MYH9: variants seen among roughly 807,000 people sequenced by gnomAD.
The protein encoded by MYH9 is myosin-9.
In MYH9, 29 loss-of-function variants were observed where a neutral mutation model predicts 241.9. The observed-to-expected ratio is 0.12, with a 90% CI of 0.09 to 0.16. The LOEUF is 0.16. Among genes scored for constraint, MYH9 ranks in the 10% least tolerant of loss-of-function variants. The pLI, the probability that MYH9 is intolerant of heterozygous loss-of-function variation, is 1.00. For missense variants in MYH9, 1,803 were observed against 2,595.5 expected, an observed-to-expected ratio of 0.69 and a Z score of 6.63; for synonymous variants, 1,047 against 1,062.6, an observed-to-expected ratio of 0.99 and a Z score of 0.29.
intron 34 of MYH9, among the ~76,000 whole-genome samples, chr22:36,287,487 T>TA (rs1329004230): frequency 3.3e-5 from 5 of 152,196 alleles, no homozygotes; most frequent in Non-Finnish European, 7.4e-5. Flanking sequence ...CTCATGCTTG[T>TA]AATCCCAGCA....
In MYH9 at chr22:36,316,453, C is replaced by T. The variant is rs547339790; in HGVS notation, c.1380+64G>A. 10 of 1,612,498 alleles carry T rather than the reference C, an allele frequency of 6.2e-6. No individual in the cohort carries two copies. In the African/African-American group the frequency reaches 1.3e-4, roughly 22 times the overall value. ...GGACCATGAGAAGCAGGGTTCTTAA[C>T]CAAGGATAAGGCAACCAACAGGCCA... On this transcript the variant is annotated intron_variant, in intron 12 of 40. Transcript: ENST00000216181.
intron 34 of MYH9, among the ~76,000 whole-genome samples, chr22:36,287,657 G>A (rs1472582211): frequency 3.3e-5 from 5 of 152,226 alleles, no homozygotes; most frequent in African/African-American, 9.6e-5. Flanking sequence ...CAGGAGAATG[G>A]CGTGAACCCG....
intron 1 of MYH9, chr22:36,364,857 TTAAC>T (rs1488321013): frequency 6.6e-6 from 1 of 152,186 alleles, no homozygotes; most frequent in African/African-American, 2.4e-5. Flanking sequence ...GAGCCACCAC[TTAAC>T]TAACAGCAAA....
At chr22:36,336,613 A>ACCTGG (rs1216713394) in intron 3 of MYH9, among the ~76,000 whole-genome samples, 5 of 152,334 alleles carry the variant, frequency 3.3e-5, no homozygotes, top group African/African-American at 1.2e-4. Flanking sequence ...CGAATTAACA[A>ACCTGG]CATGGGAAAG....
rs1238036253 is a variant in MYH9 at position 36,329,190 on chromosome 22, A to ACC, written c.491-1704_491-1703dup. 1.3e-5 allele frequency among the ~76,000 whole-genome samples: 2 copies of ACC among 151,536 alleles called. No individual in the cohort carries two copies. Among genetic ancestry groups the ACC allele is most frequent in the East Asian group, 3.9e-4 (2 of 5,158 alleles). On this transcript the variant is annotated intron_variant, in intron 3 of 40. Coordinates refer to ENST00000216181, the MANE Select transcript of MYH9 (RefSeq NM_002473.6). The surrounding 1 kb of genome is among the most constrained non-coding windows in gnomAD (Gnocchi z 4.1). ...CTGGGTCACTCTCATTCACAAACAC[A>ACC]CCCCACACCCTGCTCTCTGATGTGG... is the stretch of plus-strand genomic sequence containing the variant.
chr22:36,320,110 C>T lies in MYH9; in HGVS notation c.1012+110G>A, dbSNP rs895605648. ...CATACACTGAAGGCCTTCCCCTTCC[C>T]CTGGCCTCTAGCAGGCTCCCCAGGC... On this transcript the variant is annotated intron_variant, in intron 9 of 40. Coordinates refer to ENST00000216181, the MANE Select transcript of MYH9 (RefSeq NM_002473.6). The surrounding 1 kb of genome is among the most constrained non-coding windows in gnomAD (Gnocchi z 4.8). 2.7e-6 allele frequency: 4 copies of T among 1,487,758 alleles called. No homozygotes were observed. Among genetic ancestry groups the T allele is most frequent in the East Asian group, 4.5e-5 (2 of 44,232 alleles). The allele number at this position is 1,487,758 out of a possible 1,614,324, so 92.2% of individuals were successfully genotyped here.
chr22:36,352,398 G>A (rs1010156234), intron 1 of MYH9, among the ~76,000 whole-genome samples: 19 of 152,196 alleles, frequency 1.2e-4, no homozygotes, highest in African/African-American at 4.6e-4. Context: ...GTGGCAGAAT[G>A]AGCTCTGACC....
chr22:36,385,800 T>C (rs1314785808), intron 1 of MYH9, among the ~76,000 whole-genome samples: 1 of 152,156 alleles, frequency 6.6e-6, no homozygotes, highest in Non-Finnish European at 1.5e-5. Context: ...GCGCAGTGGC[T>C]CTCAAATTAC....
intron 18 of MYH9, 105 bp from the exon 19 acceptor site, chr22:36,304,260 C>T: frequency 4.1e-6 from 5 of 1,233,222 alleles, no homozygotes; most frequent in South Asian, 1.2e-5. Flanking sequence ...CTTCTTCTCA[C>T]TGGCTGACGA....
chr22:36,386,381 T>C (rs1394764063), intron 1 of MYH9, among the ~76,000 whole-genome samples: 1 of 152,126 alleles, frequency 6.6e-6, no homozygotes, highest in African/African-American at 2.4e-5. Context: ...CTGACTATTA[T>C]TAATTGAGTG....
At chr22:36,359,479 CA>C (rs2017903827) in intron 1 of MYH9, among the ~76,000 whole-genome samples, 1 of 152,208 alleles carries the variant, frequency 6.6e-6, no homozygotes, top group South Asian at 2.1e-4. Flanking sequence ...TAATTTGTTA[CA>C]AACACCAAAC....
chr22:36,329,130 C>A lies in MYH9; in HGVS notation c.491-1642G>T, dbSNP rs2017381999. On this transcript the variant is annotated intron_variant, in intron 3 of 40. Coordinates refer to ENST00000216181, the MANE Select transcript of MYH9 (RefSeq NM_002473.6). The surrounding 1 kb of genome is among the most constrained non-coding windows in gnomAD (Gnocchi z 4.1). Reference sequence around the variant, plus strand: ...CCCTGGGCCGCAGCTTCCTCCCAGCCCCCTAAGCATCAACGGGGTGGGGGC... The same window carrying A: ...CCCTGGGCCGCAGCTTCCTCCCAGCACCCTAAGCATCAACGGGGTGGGGGC... Among the ~76,000 whole-genome samples the A allele has an allele frequency of 6.6e-6, 1 of 152,230 alleles. No individual in the cohort carries two copies. The highest frequency in any genetic ancestry group is 1.5e-5 in the Non-Finnish European group (1 of 68,040).
chr22:36,319,550 G>A lies in MYH9; in HGVS notation c.1098C>T (p.Pro366=), dbSNP rs537679678. The change falls in exon 10 of 41, where the codon CCC becomes CCT. Residue 366 remains proline (P), a synonymous_variant. Coordinates refer to ENST00000216181, the MANE Select transcript of MYH9 (RefSeq NM_002473.6). ...KERNTDQASM[P]DNTAAQKVSH... ...GGCCCCGGGTGTTACCTGTGTTGTCGGGCATGGACGCCTGGTCAGTGTTCC... is the reference window on the plus strand; with the variant it reads ...GGCCCCGGGTGTTACCTGTGTTGTCAGGCATGGACGCCTGGTCAGTGTTCC... The A allele has an allele frequency of 1.1e-4, 185 of 1,614,118 alleles. No individual in the cohort carries two copies. Among genetic ancestry groups the A allele is most frequent in the Admixed American group, 1.1e-3 (64 of 60,022 alleles).
At chr22:36,332,640 C>T (rs887851298) in intron 3 of MYH9, among the ~76,000 whole-genome samples, 1 of 144,798 alleles carries the variant, frequency 6.9e-6, no homozygotes, top group East Asian at 2.0e-4. Context: ...TAGCCCTCCC[C>T]CTCCAGACAC....
intron 1 of MYH9, among the ~76,000 whole-genome samples, chr22:36,376,085 T>C (rs1271077340): frequency 6.9e-6 from 1 of 144,332 alleles, no homozygotes; most frequent in Non-Finnish European, 1.5e-5. Context: ...CCTCAGCCAC[T>C]CCAGTAGCAG....
chr22:36,342,346 C>T (rs973250761), intron 2 of MYH9, among the ~76,000 whole-genome samples: 2 of 152,090 alleles, frequency 1.3e-5, no homozygotes, highest in Non-Finnish European at 2.9e-5. Context: ...ATGTGAAAAA[C>T]GGGGACAGGC....
chr22:36,348,147 A>T (rs1438811449), intron 2 of MYH9, among the ~76,000 whole-genome samples: 2 of 149,006 alleles, frequency 1.3e-5, no homozygotes, highest in Non-Finnish European at 3.0e-5. Flanking sequence ...AAAAATTTTT[A>T]AAGATATTTA....
At position 36,320,230 on chromosome 22, in the gene MYH9, C is replaced by G. The variant is rs1461292054; in HGVS notation, c.1002G>C (p.Glu334Asp). 1 of 1,614,232 alleles carries G rather than the reference C, an allele frequency of 6.2e-7. No homozygotes were observed. The highest frequency in any genetic ancestry group is 1.1e-5 in the South Asian group (1 of 91,082). ...EAMRIMGIPE[E>D]EQMGLLRVIS... The stretch of plus-strand genomic sequence containing the variant: ...GGGCCAGCCCTGTACCCATTTGCTC[C>G]TCTTCTGGGATGCCCATAATCCTCA... The change falls in exon 9 of 41, where the codon GAG becomes GAC. Residue 334 changes from glutamate to aspartate, a missense_variant. By Grantham distance (45) the Glu-to-Asp change is conservative. This residue lies in a region of MYH9 where 222 missense variants were observed against 359.9 expected (regional missense o/e 0.62). Transcript: ENST00000216181. The surrounding 1 kb of genome is among the most constrained non-coding windows in gnomAD (Gnocchi z 4.8).
chr22:36,290,448 G>A (rs950182738), intron 31 of MYH9, among the ~76,000 whole-genome samples: 1 of 152,018 alleles, frequency 6.6e-6, no homozygotes, highest in Non-Finnish European at 1.5e-5. Context: ...TTAACTCAGT[G>A]CTCAATGGAG....
Sources: allele counts gnomAD v4.1 joint callset (sites outside exome capture counted in the v4.1 genomes callset), GRCh38; gene constraint gnomAD v4.1.1; regional missense constraint gnomAD v4.1.1; non-coding constraint Gnocchi (gnomAD v3.1); transcripts MANE v1.5; gene names NCBI Gene and HGNC (gene_info 2026-07-23, HGNC 2026-07-21).